Variants in SLC26A7 observed in about 807,000 individuals in gnomAD.
SLC26A7 encodes anion exchange transporter.
A neutral mutation model predicts 82.5 loss-of-function variants in SLC26A7; 59 were observed. The ratio of observed to expected loss-of-function variants is 0.72; its 90% CI spans 0.58 to 0.89. SLC26A7 has a LOEUF of 0.89. Among genes scored for constraint, SLC26A7 ranks in the 40% least tolerant of loss-of-function variants. The probability of loss-of-function intolerance (pLI) is 0.00; values close to 1 mark genes in which losing one functional copy is unlikely to be tolerated. For missense variants in SLC26A7, 820 were observed against 793.0 expected (o/e 1.03, Z -0.41); for synonymous variants, 271 against 274.3 (o/e 0.99, Z 0.12).
At position 91,227,921 on chromosome 8, in the gene SLC26A7, G is replaced by A. The variant is rs75529292; in HGVS notation, c.-34+8916G>A. Among the ~76,000 whole-genome samples the A allele has an allele frequency of 5.3e-3, 804 of 152,280 alleles. 9 individuals are homozygous for A. The East Asian group carries it at 0.079, about 15-fold the overall frequency. ...AGACTGCAGCTATTAGAAAATAAGT[G>A]GCTGGAAGTCACTTGCTCTTGCTAA... On this transcript the variant is annotated intron_variant, in intron 2 of 5. Coordinates refer to the SLC26A7 transcript ENST00000522862.
chr8:91,242,770 G>A lies in SLC26A7; in HGVS notation c.-33-6849G>A, dbSNP rs73305620. Reference sequence around the variant, plus strand: ...CCAAAACTATGAGTGATAAATTCTTGTTTAAGCCACCCAGTCTATAGTGTT... The same window carrying A: ...CCAAAACTATGAGTGATAAATTCTTATTTAAGCCACCCAGTCTATAGTGTT... On this transcript the variant is annotated intron_variant, in intron 2 of 5. Transcript: ENST00000522862. Among the ~76,000 whole-genome samples, 577 of 152,262 alleles carry A rather than the reference G, an allele frequency of 3.8e-3. 5 individuals carry two copies. The highest frequency in any genetic ancestry group is 0.014 in the African/African-American group (561 of 41,554).
chr8:91,274,110 T>C (rs1811343364), intron 2 of SLC26A7, among the ~76,000 whole-genome samples: 1 of 152,172 alleles, frequency 6.6e-6, no homozygotes, highest in Non-Finnish European at 1.5e-5. Context: ...CAGAGTTACT[T>C]TGAAAAACAA....
rs564355810 is a variant in SLC26A7, at chr8:91,358,162, G to A, written c.1315-4191G>A. ...CAGAAACACTTTTACACTGTTGGTG[G>A]GACTGTAAACTAGTTCAACCATTGT... On this transcript the variant is annotated intron_variant, in intron 11 of 18. Coordinates refer to ENST00000276609, the MANE Select transcript of SLC26A7 (RefSeq NM_052832.4). Among the ~76,000 whole-genome samples the A allele has an allele frequency of 2.6e-5, 4 of 152,146 alleles. No homozygotes were observed. In the East Asian group the frequency reaches 5.8e-4, roughly 22 times the overall value.
At chr8:91,308,111 G>A (rs1046853798) in intron 4 of SLC26A7, among the ~76,000 whole-genome samples, 6 of 152,070 alleles carry the variant, frequency 3.9e-5, no homozygotes. Context: ...ACATTGCTGA[G>A]ACTTTTTAAA....
chr8:91,374,650 A>T (rs1395310941), intron 15 of SLC26A7, among the ~76,000 whole-genome samples: 1 of 152,028 alleles, frequency 6.6e-6, no homozygotes, highest in East Asian at 1.9e-4. Flanking sequence ...ATGATCAAGC[A>T]TGTGGTCAAT....
At position 91,318,210 on chromosome 8, in the gene SLC26A7, T is replaced by G. The variant is rs142521321; in HGVS notation, c.478-6T>G. On this transcript the variant is annotated splice_polypyrimidine_tract_variant and splice_region_variant and intron_variant, in intron 4 of 18. Transcript: ENST00000276609. ...AGTTCATCTCACTTCTCCCTTCTCCTCTTAGGTGGCCATGTTTGTGCTGCA... is the reference window on the plus strand; with the variant it reads ...AGTTCATCTCACTTCTCCCTTCTCCGCTTAGGTGGCCATGTTTGTGCTGCA... The G allele has an allele frequency of 6.2e-7, 1 of 1,600,044 alleles. No homozygotes were observed. The highest frequency in any genetic ancestry group is 2.3e-5 in the East Asian group (1 of 44,166).
exon 2 of SLC26A7, chr8:91,218,907 G>C: frequency 6.5e-7 from 1 of 1,548,894 alleles, no homozygotes. Context: ...AGATAAGCAA[G>C]AATCTGAAGC....
intron 12 of SLC26A7, 79 bp downstream of exon 12, chr8:91,362,538 G>T: frequency 1.9e-6 from 2 of 1,040,980 alleles, no homozygotes; most frequent in Non-Finnish European, 2.9e-6. Flanking sequence ...GTACTTGCTA[G>T]TTACTTTTAT....
intron 6 of SLC26A7, among the ~76,000 whole-genome samples, chr8:91,336,158 G>A (rs1460728691): frequency 1.3e-5 from 2 of 152,152 alleles, no homozygotes; most frequent in African/African-American, 4.8e-5. Context: ...TCAGAAAGAA[G>A]GGTACAGGTT....
At chr8:91,222,634 T>A (rs1468655743) in intron 2 of SLC26A7, among the ~76,000 whole-genome samples, 1 of 152,206 alleles carries the variant, frequency 6.6e-6, no homozygotes, top group Non-Finnish European at 1.5e-5. Context: ...TTGTCATTGG[T>A]TCTGTTTATG....
At chr8:91,370,659 C>T (rs1054555507) in intron 15 of SLC26A7, among the ~76,000 whole-genome samples, 4 of 151,878 alleles carry the variant, frequency 2.6e-5, no homozygotes, top group African/African-American at 7.2e-5. Context: ...TTGATGTGAC[C>T]GTTGTCTCAG....
intron 2 of SLC26A7, among the ~76,000 whole-genome samples, chr8:91,254,013 A>G (rs1380804809): frequency 1.3e-5 from 2 of 152,114 alleles, no homozygotes; most frequent in Non-Finnish European, 2.9e-5. Flanking sequence ...ACTGATAGTA[A>G]AAAAATACAT....
At chr8:91,316,491 A>G (rs1812637422) in intron 4 of SLC26A7, among the ~76,000 whole-genome samples, 1 of 71,230 alleles carries the variant, frequency 1.4e-5, no homozygotes, top group Non-Finnish European at 2.6e-5. Flanking sequence ...TTTTTTTTTT[A>G]GGAGACATGG....
At chr8:91,340,589 A>G (rs1196815404) in intron 8 of SLC26A7, 38 bp downstream of exon 8, 3 of 1,611,642 alleles carry the variant, frequency 1.9e-6, no homozygotes, top group Non-Finnish European at 2.5e-6. Flanking sequence ...CTCCAGTTGT[A>G]TCATTGCACT....
intron 4 of SLC26A7, among the ~76,000 whole-genome samples, chr8:91,306,370 G>A: frequency 6.6e-6 from 1 of 152,100 alleles, no homozygotes; most frequent in East Asian, 1.9e-4. Context: ...GCTGTTTGGT[G>A]CTTTTCTTAG....
intron 2 of SLC26A7, among the ~76,000 whole-genome samples, chr8:91,283,574 C>T (rs369644517): frequency 2.2e-4 from 33 of 152,174 alleles, no homozygotes; most frequent in African/African-American, 7.2e-4. Context: ...AAATTCATAA[C>T]TCTTACTCTT....
chr8:91,258,225 A>G (rs1386060028), intron 2 of SLC26A7, among the ~76,000 whole-genome samples: 2 of 152,096 alleles, frequency 1.3e-5, no homozygotes, highest in Non-Finnish European at 2.9e-5. Flanking sequence ...CTATTGGTTA[A>G]TTGTAGGAAT....
rs370963536 is a variant in SLC26A7 at position 91,249,636 on chromosome 8, A to G, written c.-16A>G. 3 of 1,499,772 alleles carry G rather than the reference A, an allele frequency of 2.0e-6. No individual in the cohort carries two copies. Among genetic ancestry groups the G allele is most frequent in the Non-Finnish European group, 2.7e-6 (3 of 1,125,372 alleles). The allele number at this position is 1,499,772 out of a possible 1,614,324, so 92.9% of individuals were successfully genotyped here. A position where few individuals can be genotyped will look rare whatever the true frequency, so the allele number is the denominator to read the frequency against. Reference sequence around the variant, plus strand: ...TTGTTTAGAGAAGTTTACTTCTACAAGAAGAAATCTGAAAAATGACAGGAG... The same window carrying G: ...TTGTTTAGAGAAGTTTACTTCTACAGGAAGAAATCTGAAAAATGACAGGAG... On this transcript the variant is annotated 5_prime_UTR_variant, in exon 2 of 19. Coordinates refer to ENST00000276609, the MANE Select transcript of SLC26A7 (RefSeq NM_052832.4).
At chr8:91,256,996 G>T (rs917245947) in intron 2 of SLC26A7, among the ~76,000 whole-genome samples, 1 of 152,042 alleles carries the variant, frequency 6.6e-6, no homozygotes, top group African/African-American at 2.4e-5. Flanking sequence ...GCCTGGGTGG[G>T]ACCGGGGCTG....
Sources: gnomAD v4.1 joint callset for allele counts (sites outside exome capture counted in the v4.1 genomes callset) on GRCh38, gnomAD v4.1.1 for gene constraint, MANE v1.5 for transcripts, NCBI Gene and HGNC (gene_info 2026-07-23, HGNC 2026-07-21) for gene names.